Variants in SAMD9L observed in about 807,000 individuals in gnomAD.
SAMD9L encodes sterile alpha motif domain-containing protein 9-like.
A neutral mutation model predicts 90.7 loss-of-function variants in SAMD9L; 68 were observed. That is an observed-to-expected ratio of 0.75 (90% CI 0.62 to 0.92). The LOEUF is 0.92. Ranked by LOEUF, SAMD9L falls within the 40% of genes least tolerant of loss-of-function variation. The probability of loss-of-function intolerance (pLI) is 0.00; values close to 1 mark genes in which losing one functional copy is unlikely to be tolerated. For missense variants in SAMD9L, 1,604 were observed against 1,824.3 expected, an observed-to-expected ratio of 0.88 and a Z score of 2.20; for synonymous variants, 640 against 630.1, an observed-to-expected ratio of 1.02 and a Z score of -0.23.
In SAMD9L at chr7:93,145,832, C is replaced by T. The variant is rs891036319; in HGVS notation, c.-570G>A. 6.6e-6 allele frequency: 1 copy of T among 152,184 alleles called. No homozygotes were observed. Among genetic ancestry groups the T allele is most frequent in the African/African-American group, 2.4e-5 (1 of 41,448 alleles). 9.4% of individuals were successfully genotyped at this position (152,184 alleles called of 1,614,324 possible). A position where few individuals can be genotyped will look rare whatever the true frequency, so the allele number is the denominator to read the frequency against. On this transcript the variant is annotated 5_prime_UTR_variant, in exon 3 of 5. Coordinates refer to ENST00000318238, the MANE Select transcript of SAMD9L (RefSeq NM_152703.5). ...AGTATGTGACAGGTACACTTTATCT[C>T]TCTTCCAGCATTCCACATTCAATGT...
At chr7:93,137,896 G>A (rs548230173) in intron 4 of SAMD9L, among the ~76,000 whole-genome samples, 1 of 152,172 alleles carries the variant, frequency 6.6e-6, no homozygotes, top group East Asian at 1.9e-4. Context: ...GCTTCAGCTT[G>A]CAGCCCTGTG....
In SAMD9L at chr7:93,141,255, C is replaced by T. The variant is rs115300397; in HGVS notation, c.-21+3477G>A. ...TTAACTCTCCACCTCTAAATGTTGACGTGCCTCTCAGACCTAGCCTCTTTT... is the reference window on the plus strand; with the variant it reads ...TTAACTCTCCACCTCTAAATGTTGATGTGCCTCTCAGACCTAGCCTCTTTT... On this transcript the variant is annotated intron_variant, in intron 4 of 4. Coordinates refer to ENST00000318238, the MANE Select transcript of SAMD9L (RefSeq NM_152703.5). Among the ~76,000 whole-genome samples, 528 of 152,292 alleles carry T rather than the reference C, an allele frequency of 3.5e-3. 2 individuals carry two copies. The highest frequency in any genetic ancestry group is 0.012 in the African/African-American group (504 of 41,562).
At position 93,131,206 on chromosome 7, in the gene SAMD9L, G is replaced by A. The variant is rs1300811541; in HGVS notation, c.*11C>T. On this transcript the variant is annotated 3_prime_UTR_variant, in exon 5 of 5. Transcript: ENST00000318238. Reference sequence around the variant, plus strand: ...AAATAAACGTATTTGAACTACAGGTGATGTATTGTCTTAAATTACTTCTAT... The same window carrying A: ...AAATAAACGTATTTGAACTACAGGTAATGTATTGTCTTAAATTACTTCTAT... 1 of 1,389,366 alleles carries A rather than the reference G, an allele frequency of 7.2e-7. No homozygotes were observed. Among genetic ancestry groups the A allele is most frequent in the East Asian group, 2.3e-5 (1 of 43,664 alleles). The allele number at this position is 1,389,366 out of a possible 1,614,324, so 86.1% of individuals were successfully genotyped here.
chr7:93,139,474 A>C (rs903054669), intron 4 of SAMD9L, among the ~76,000 whole-genome samples: 5 of 152,204 alleles, frequency 3.3e-5, no homozygotes, highest in Non-Finnish European at 7.3e-5. Context: ...TTGGGCACAG[A>C]GGCTTGCTTA....
chr7:93,139,382 T>C (rs527437746), intron 4 of SAMD9L, among the ~76,000 whole-genome samples: 1 of 152,206 alleles, frequency 6.6e-6, no homozygotes, highest in East Asian at 1.9e-4. Context: ...GGAGACAGGA[T>C]TGTTGTAGAT....
intron 3 of SAMD9L, among the ~76,000 whole-genome samples, 164 bp from the exon 4 acceptor site, chr7:93,144,997 G>A (rs1366633508): frequency 6.6e-6 from 1 of 152,134 alleles, no homozygotes; most frequent in African/African-American, 2.4e-5. Flanking sequence ...GTAACTTATA[G>A]GACAGAGTAT....
chr7:93,131,535 G>C lies in SAMD9L; in HGVS notation c.4437C>G (p.Gly1479=), dbSNP rs758407828. 1.2e-6 allele frequency: 2 copies of C among 1,613,876 alleles called. No individual in the cohort carries two copies. Among genetic ancestry groups the C allele is most frequent in the Admixed American group, 3.3e-5 (2 of 59,974 alleles). ...CAATACTGTTTAGACCCTTCCTTTT[G>C]CCCAGATAGAAAAGTGTGCTTGCCT... ...SKQASTLFYL[G]KRKGLNSIVH... is the part of the protein sequence containing the mutation. Residue 1479 remains glycine, a synonymous_variant, in exon 5 of 5, where the codon GGC becomes GGG. Transcript: ENST00000318238.
At chr7:93,143,269 C>A (rs1040931659) in intron 4 of SAMD9L, among the ~76,000 whole-genome samples, 1 of 152,092 alleles carries the variant, frequency 6.6e-6, no homozygotes, top group Non-Finnish European at 1.5e-5. Flanking sequence ...AGACTCCACA[C>A]CCTGACTGGA....
At position 93,135,800 on chromosome 7, in the gene SAMD9L, T is replaced by C. The variant is rs1792423109; in HGVS notation, c.172A>G (p.Met58Val). 1 of 1,613,922 alleles carries C rather than the reference T, an allele frequency of 6.2e-7. No homozygotes were observed. The highest frequency in any genetic ancestry group is 8.5e-7 in the Non-Finnish European group (1 of 1,179,952). ...QELTEKDLVEMGLPWGPALLI... is the reference protein window; with the variant it reads ...QELTEKDLVEVGLPWGPALLI... ...AGTGCTGGACCCCATGGTAGCCCCA[T>C]TTCTACAAGGTCCTTCTCAGTTAAT... Residue 58 changes from methionine to valine, a missense_variant, in exon 5 of 5, where the codon ATG becomes GTG. Met to Val is a conservative substitution (Grantham distance 21). Transcript: ENST00000318238.
chr7:93,132,812 G>C lies in SAMD9L; in HGVS notation c.3160C>G (p.Leu1054Val). ...AAAGCTTCCATTAATGGGGAAAACA[G>C]AGTGTCTGTTTCATCTCCATACACC... is the stretch of plus-strand genomic sequence containing the variant. Reference protein sequence around the residue: ...RKVYGDETDTLFSPLMEALQN... With the variant: ...RKVYGDETDTVFSPLMEALQN... The change falls in exon 5 of 5, where the codon CTG (leucine) becomes GTG (valine). Residue 1054 changes from leucine to valine, a missense_variant. This residue lies in a region of SAMD9L where 302 missense variants were observed against 314.7 expected (regional missense o/e 0.96). Transcript: ENST00000318238. The C allele has an allele frequency of 6.2e-7, 1 of 1,613,726 alleles. No homozygotes were observed. The highest frequency in any genetic ancestry group is 8.5e-7 in the Non-Finnish European group (1 of 1,179,778).
Position 93,135,912 on chromosome 7 carries a change from T to C in SAMD9L, c.60A>G (p.Lys20=). The C allele has an allele frequency of 1.2e-6, 2 of 1,612,302 alleles. No individual in the cohort carries two copies. Among genetic ancestry groups the C allele is most frequent in the Non-Finnish European group, 1.7e-6 (2 of 1,179,476 alleles). Residue 20 remains lysine, a synonymous_variant, in exon 5 of 5, where the codon AAA becomes AAG. Transcript: ENST00000318238. ...TCTTAAGGTCTTCATTTACCCATTT[T>C]TTCACATGCTCTTTGGTCCAGTCTT... ...MIKDWTKEHV[K]KWVNEDLKIN... is the part of the protein sequence containing the mutation.
Position 93,132,368 on chromosome 7 carries a change from C to A in SAMD9L, c.3604G>T (p.Glu1202Ter). ...ATCTGGATAGTGTAAAGACCAACTT[C>A]TATTTCACCCAAGAAACAAGCTGTG... ...YNTACFLGEI[E>*]VGLYTIQILQ... The change falls in exon 5 of 5, where the codon GAA becomes TAA. Residue 1202 changes from glutamate (E) to a stop codon, truncating the protein, a stop_gained. Coordinates refer to ENST00000318238, the MANE Select transcript of SAMD9L (RefSeq NM_152703.5). LOFTEE classifies it high-confidence loss of function. 1 of 1,613,858 alleles carries A rather than the reference C, an allele frequency of 6.2e-7. No individual in the cohort carries two copies. The highest frequency in any genetic ancestry group is 1.1e-5 in the South Asian group (1 of 91,068).
rs1296370004 is a variant in SAMD9L at position 93,132,197 on chromosome 7, T to C, written c.3775A>G (p.Asn1259Asp). The change falls in exon 5 of 5, where the codon AAT becomes GAT. Residue 1259 changes from asparagine to aspartate, a missense_variant. Around this residue, in one of 7 missense-constraint regions of SAMD9L, gnomAD observed 302 missense variants for 314.7 expected, o/e 0.96. Coordinates refer to ENST00000318238, the MANE Select transcript of SAMD9L (RefSeq NM_152703.5). The part of the protein sequence containing the change: ...ALSKFTSHLK[N>D]LQSDLKRCFD... ...CACCTTTTCAGATCTGATTGTAAATTTTTTAGGTGGGATGTGAACTTGCTA... is the reference window on the plus strand; with the variant it reads ...CACCTTTTCAGATCTGATTGTAAATCTTTTAGGTGGGATGTGAACTTGCTA... The C allele has an allele frequency of 6.2e-7, 1 of 1,613,734 alleles. No homozygotes were observed. Among genetic ancestry groups the C allele is most frequent in the Non-Finnish European group, 8.5e-7 (1 of 1,179,872 alleles).
Position 93,133,591 on chromosome 7 carries a change from T to C in SAMD9L, c.2381A>G (p.Asp794Gly). ...CACAAGGAGAAGCACAGGAATGTAA[T>C]CCTGATGGCTCTTTGCCCTATAGGT... Reference protein sequence around the residue: ...LVTYRAKSHQDYIPVLLLVDD... With the variant: ...LVTYRAKSHQGYIPVLLLVDD... The change falls in exon 5 of 5, where the codon GAT (aspartate) becomes GGT (glycine). Residue 794 changes from aspartate (D) to glycine (G), a missense_variant. Asp to Gly is a moderately conservative substitution (Grantham distance 94). Transcript: ENST00000318238. 2 of 1,613,864 alleles carry C rather than the reference T, an allele frequency of 1.2e-6. No homozygotes were observed. The highest frequency in any genetic ancestry group is 1.7e-6 in the Non-Finnish European group (2 of 1,179,850).
chr7:93,136,419 G>C (rs1792455028), intron 4 of SAMD9L, among the ~76,000 whole-genome samples: 1 of 152,178 alleles, frequency 6.6e-6, no homozygotes, highest in Admixed American at 6.5e-5. Flanking sequence ...GGAATCCACA[G>C]CTGGCTATCT....
In SAMD9L at chr7:93,133,795, G is replaced by T. The variant is rs979483507; in HGVS notation, c.2177C>A (p.Ala726Glu). Residue 726 changes from alanine to glutamate, a missense_variant, in exon 5 of 5, where the codon GCA becomes GAA. Coordinates refer to ENST00000318238, the MANE Select transcript of SAMD9L (RefSeq NM_152703.5). ...EKLKDLIHCW[A>E]ESPKPIFAKI... The stretch of plus-strand genomic sequence containing the variant: ...TGCAAATATTGGTTTAGGAGACTCT[G>T]CCCAGCAGTGTATTAAATCTTTAAG... The T allele has an allele frequency of 6.2e-7, 1 of 1,613,700 alleles. No homozygotes were observed. The highest frequency in any genetic ancestry group is 8.5e-7 in the Non-Finnish European group (1 of 1,179,882).
Position 93,133,384 on chromosome 7 carries a change from G to T in SAMD9L, c.2588C>A (p.Ser863Tyr). The T allele has an allele frequency of 2.5e-6, 4 of 1,613,720 alleles. No homozygotes were observed. Among genetic ancestry groups the T allele is most frequent in the Non-Finnish European group, 3.4e-6 (4 of 1,179,746 alleles). The change falls in exon 5 of 5, where the codon TCC (serine) becomes TAC (tyrosine). Residue 863 changes from serine (S) to tyrosine (Y), a missense_variant. Around this residue, in one of 7 missense-constraint regions of SAMD9L, gnomAD observed 606 missense variants for 717.6 expected, o/e 0.84. Transcript: ENST00000318238. ...DSIALNYQLS[S>Y]KEQRAFGAKL... ...GGCACCAAAAGCTCTTTGTTCCTTG[G>T]AAGAAAGTTGGTAATTTAGTGCAAT... is the stretch of plus-strand genomic sequence containing the variant.
At position 93,134,687 on chromosome 7, in the gene SAMD9L, T is replaced by C; in HGVS notation, c.1285A>G (p.Ile429Val). 1 of 1,613,686 alleles carries C rather than the reference T, an allele frequency of 6.2e-7. No individual in the cohort carries two copies. The highest frequency in any genetic ancestry group is 2.2e-5 in the East Asian group (1 of 44,872). ...LVTNKCHPNQIKHLDFLKEIK... is the reference protein window; with the variant it reads ...LVTNKCHPNQVKHLDFLKEIK... Reference sequence around the variant, plus strand: ...TCTTTTAAAAAATCTAAGTGCTTTATTTGGTTTGGATGGCATTTATTTGTT... The same window carrying C: ...TCTTTTAAAAAATCTAAGTGCTTTACTTGGTTTGGATGGCATTTATTTGTT... Residue 429 changes from isoleucine to valine, a missense_variant, in exon 5 of 5, where the codon ATA becomes GTA. Transcript: ENST00000318238.
chr7:93,132,810 CAG>C lies in SAMD9L; in HGVS notation c.3160_3161del (p.Leu1054ValfsTer11). The C allele has an allele frequency of 1.2e-6, 2 of 1,613,722 alleles. No homozygotes were observed. The highest frequency in any genetic ancestry group is 2.2e-5 in the East Asian group (1 of 44,868). ...RKVYGDETDT[L>X]FSPLMEALQN... The stretch of plus-strand genomic sequence containing the variant: ...GTAAAGCTTCCATTAATGGGGAAAA[CAG>C]AGTGTCTGTTTCATCTCCATACACC... On this transcript the variant is annotated frameshift_variant, in exon 5 of 5. Coordinates refer to ENST00000318238, the MANE Select transcript of SAMD9L (RefSeq NM_152703.5). LOFTEE classifies it high-confidence loss of function.
Sources: gnomAD v4.1 joint callset for allele counts (sites outside exome capture counted in the v4.1 genomes callset) on GRCh38, gnomAD v4.1.1 for gene constraint, gnomAD v4.1.1 regional missense constraint, MANE v1.5 for transcripts, NCBI Gene and HGNC (gene_info 2026-07-23, HGNC 2026-07-21) for gene names.